The following MACROH2A2 variants were observed in gnomAD, a reference collection of about 807,000 sequenced individuals.
MACROH2A2 encodes core histone macro-H2A.2.
A neutral mutation model predicts 37.6 loss-of-function variants in MACROH2A2; 6 were observed. The ratio of observed to expected loss-of-function variants is 0.16; its 90% CI spans 0.09 to 0.32. MACROH2A2 has a LOEUF of 0.32. MACROH2A2 is among the 10% of genes least tolerant of loss of function. The pLI is 1.00. For synonymous variants in MACROH2A2, 192 were observed against 202.7 expected (o/e 0.95, Z 0.45); for missense variants, 290 against 485.9 (o/e 0.60, Z 3.79).
intron 2 of MACROH2A2, among the ~76,000 whole-genome samples, chr10:70,080,591 C>A (rs999101143): frequency 6.6e-6 from 1 of 151,914 alleles, no homozygotes; most frequent in Non-Finnish European, 1.5e-5. Context: ...AAAAAATTAA[C>A]CAGGTGTGTG....
intron 2 of MACROH2A2, among the ~76,000 whole-genome samples, chr10:70,082,194 C>T (rs1474799221): frequency 5.9e-5 from 9 of 152,038 alleles, no homozygotes; most frequent in African/African-American, 1.2e-4. Context: ...CCGAGGCGGG[C>T]GGATCACCTG....
At chr10:70,071,842 G>A (rs1055559261) in intron 1 of MACROH2A2, among the ~76,000 whole-genome samples, 4 of 152,238 alleles carry the variant, frequency 2.6e-5, no homozygotes, top group Non-Finnish European at 5.9e-5. Context: ...GGCACTTGCC[G>A]TGAATAGAGC....
chr10:70,099,562 C>A (rs931141192), intron 6 of MACROH2A2: 4 of 152,216 alleles, frequency 2.6e-5, no homozygotes, highest in Non-Finnish European at 5.9e-5. Context: ...TGCACACCGA[C>A]AGGGTTCCTG....
Position 70,090,192 on chromosome 10 carries a change from C to T in MACROH2A2, c.279+26C>T, listed in dbSNP as rs574840886. 63 of 1,473,572 alleles carry T rather than the reference C, an allele frequency of 4.3e-5. No individual in the cohort carries two copies. In the East Asian group the frequency reaches 7.0e-4, roughly 16 times the overall value. 91.3% of individuals were successfully genotyped at this position (1,473,572 alleles called of 1,614,324 possible). On this transcript the variant is annotated intron_variant, in intron 3 of 8. Coordinates refer to ENST00000373255, the MANE Select transcript of MACROH2A2 (RefSeq NM_018649.3). ...GTATGTCTGAAGCCTTGAGGGAAGC[C>T]GTAGAATGGGTTTGCCAAACATGCT...
At chr10:70,079,732 T>C (rs988151233) in intron 2 of MACROH2A2, among the ~76,000 whole-genome samples, 4 of 152,060 alleles carry the variant, frequency 2.6e-5, no homozygotes, top group Non-Finnish European at 5.9e-5. Flanking sequence ...TAGTGTCACT[T>C]TGTGAAGAAC....
chr10:70,070,964 T>A (rs1205247974), intron 1 of MACROH2A2, among the ~76,000 whole-genome samples: 2 of 89,670 alleles, frequency 2.2e-5, no homozygotes, highest in East Asian at 5.1e-4. Flanking sequence ...TTGAGGAAAG[T>A]GTGTGTGTGT....
chr10:70,103,425 C>G (rs78473687), intron 7 of MACROH2A2, among the ~76,000 whole-genome samples: 2,825 of 152,258 alleles, frequency 0.019, 96 homozygotes, highest in African/African-American at 0.065. Flanking sequence ...CCAGGCTGAT[C>G]TTGAACTGCT....
chr10:70,094,880 T>C (rs1473506386), intron 5 of MACROH2A2, among the ~76,000 whole-genome samples: 3 of 152,144 alleles, frequency 2.0e-5, no homozygotes, highest in African/African-American at 7.2e-5. Context: ...GCCCATTACT[T>C]CTCTCCAGCA....
Position 70,075,911 on chromosome 10 carries a change from T to C in MACROH2A2, c.172+81T>C. 3.4e-6 allele frequency: 4 copies of C among 1,187,760 alleles called. No individual in the cohort carries two copies. The highest frequency in any genetic ancestry group is 2.5e-5 in the East Asian group (1 of 39,516). 73.6% of individuals were successfully genotyped at this position (1,187,760 alleles called of 1,614,324 possible). A position where few individuals can be genotyped will look rare whatever the true frequency, so the allele number is the denominator to read the frequency against. On this transcript the variant is annotated intron_variant, in intron 2 of 8. Transcript: ENST00000373255. The surrounding 1 kb of genome is among the most constrained non-coding windows in gnomAD (Gnocchi z 5.0). ...GTCCCCCTCGCAGGCTGGGGAGGGA[T>C]GCTCCAAATTGCCTTTTGGCTGGCT...
At chr10:70,083,330 TAAGTGACA>T (rs2072192581) in intron 2 of MACROH2A2, among the ~76,000 whole-genome samples, 1 of 152,138 alleles carries the variant, frequency 6.6e-6, no homozygotes, top group Admixed American at 6.5e-5. Flanking sequence ...ACACAACTCT[TAAGTGACA>T]GTATTCCACT....
intron 1 of MACROH2A2, among the ~76,000 whole-genome samples, chr10:70,070,417 G>A (rs1326500807): frequency 1.3e-5 from 2 of 152,150 alleles, no homozygotes; most frequent in Non-Finnish European, 2.9e-5. Flanking sequence ...CAATGTGCAG[G>A]TGGTATGTTT....
chr10:70,091,951 A>G lies in MACROH2A2; in HGVS notation c.474A>G (p.Lys158=). 6.2e-6 allele frequency: 10 copies of G among 1,612,790 alleles called. No homozygotes were observed. The highest frequency in any genetic ancestry group is 8.5e-6 in the Non-Finnish European group (10 of 1,179,550). ...KSKAAKPRTS[K]KSKPKDSDKE... ...AGGCTGCCAAACCACGGACGTCCAAAAAGGTAGGCCGAGGCTGCGTGTCCT... is the reference window on the plus strand; with the variant it reads ...AGGCTGCCAAACCACGGACGTCCAAGAAGGTAGGCCGAGGCTGCGTGTCCT... Residue 158 remains lysine (K), a synonymous_variant, in exon 4 of 9, where the codon AAA becomes AAG. Coordinates refer to ENST00000373255, the MANE Select transcript of MACROH2A2 (RefSeq NM_018649.3).
intron 1 of MACROH2A2, among the ~76,000 whole-genome samples, chr10:70,066,553 C>T (rs2136619411): frequency 6.6e-6 from 1 of 152,290 alleles, no homozygotes; most frequent in South Asian, 2.1e-4. Context: ...AATAACCCCT[C>T]TGCAAACGGT....
chr10:70,079,997 C>T (rs1017905843), intron 2 of MACROH2A2, among the ~76,000 whole-genome samples: 1 of 152,102 alleles, frequency 6.6e-6, no homozygotes, highest in African/African-American at 2.4e-5. Flanking sequence ...GAAGTCTGAC[C>T]AGCTGGACGT....
rs537002999 is a variant in MACROH2A2 at position 70,095,578 on chromosome 10, G to T, written c.589-76G>T. ...GTATGAATAATTAAAGAGAATTAAT[G>T]AATGCAAGTAAAATATGAGATTTTT... On this transcript the variant is annotated intron_variant, in intron 5 of 8. Coordinates refer to ENST00000373255, the MANE Select transcript of MACROH2A2 (RefSeq NM_018649.3). The T allele has an allele frequency of 2.0e-5, 15 of 759,640 alleles. 1 individual carries two copies. The South Asian group carries it at 2.2e-4, about 11-fold the overall frequency. 47.1% of individuals were successfully genotyped at this position (759,640 alleles called of 1,614,324 possible).
chr10:70,092,170 C>T (rs550874433), intron 4 of MACROH2A2, among the ~76,000 whole-genome samples: 12 of 152,318 alleles, frequency 7.9e-5, no homozygotes, highest in African/African-American at 2.9e-4. Flanking sequence ...GACCCTTCTG[C>T]CATGTGAGGA....
intron 1 of MACROH2A2, among the ~76,000 whole-genome samples, chr10:70,068,052 A>T (rs2072088954): frequency 1.3e-5 from 2 of 151,888 alleles, no homozygotes; most frequent in Admixed American, 6.6e-5. Context: ...TCTCAATGAG[A>T]CCAATGAGTG....
chr10:70,076,490 C>T (rs2072140320), intron 2 of MACROH2A2, among the ~76,000 whole-genome samples: 1 of 152,106 alleles, frequency 6.6e-6, no homozygotes, highest in Non-Finnish European at 1.5e-5. Flanking sequence ...TTCTCTTTAG[C>T]TTTTTTGTTG....
At chr10:70,086,191 T>C (rs2072210097) in intron 2 of MACROH2A2, among the ~76,000 whole-genome samples, 2 of 151,438 alleles carry the variant, frequency 1.3e-5, no homozygotes, top group African/African-American at 4.9e-5. Flanking sequence ...AATATTTAAA[T>C]GGTGAAGTCC....
Sources: gnomAD v4.1 joint callset for allele counts (sites outside exome capture counted in the v4.1 genomes callset) on GRCh38, gnomAD v4.1.1 for gene constraint, Gnocchi (gnomAD v3.1) non-coding constraint, MANE v1.5 for transcripts, NCBI Gene and HGNC (gene_info 2026-07-23, HGNC 2026-07-21) for gene names.